Variants in MYH4 observed in about 807,000 individuals in gnomAD.
MYH4 encodes myosin heavy chain 4.
Under a neutral mutation model 229.9 loss-of-function variants are expected in MYH4, and 200 were observed. That is an observed-to-expected ratio of 0.87 (90% CI 0.78 to 0.98). The LOEUF (loss-of-function observed/expected upper bound fraction) is 0.98, where lower values mean the gene tolerates loss of function less well. Ranked by LOEUF, MYH4 falls within the 50% of genes least tolerant of loss-of-function variation. MYH4 has a pLI of 0.00. For synonymous variants in MYH4, 761 were observed against 834.6 expected, an observed-to-expected ratio of 0.91 and a Z score of 1.52; for missense variants, 2,148 against 2,332.6, an observed-to-expected ratio of 0.92 and a Z score of 1.63.
At chr17:10,447,325 G>A (rs1197926182) in intron 34 of MYH4, 109 bp from the exon 35 acceptor site, 1 of 889,816 alleles carries the variant, frequency 1.1e-6, no homozygotes, top group Non-Finnish European at 1.7e-6. Context: ...GATTAGATAG[G>A]AGCAATCGGC....
intron 15 of MYH4, among the ~76,000 whole-genome samples, chr17:10,458,802 G>T (rs1469607981): frequency 1.3e-5 from 2 of 152,156 alleles, no homozygotes; most frequent in Non-Finnish European, 2.9e-5. Flanking sequence ...AACGGGGAAA[G>T]ACTTAATGAC....
At position 10,452,284 on chromosome 17, in the gene MYH4, G is replaced by C. The variant is rs371105683; in HGVS notation, c.3395C>G (p.Ser1132Cys). ...GCGCTGCTTCTCTGCTTTGGCCCGGGAGGCCCGCTCTGCCTCGATTTCCTC... is the reference window on the plus strand; with the variant it reads ...GCGCTGCTTCTCTGCTTTGGCCCGGCAGGCCCGCTCTGCCTCGATTTCCTC... ...LEEEIEAERA[S>C]RAKAEKQRSD... Residue 1132 changes from serine to cysteine, a missense_variant, in exon 27 of 40, where the codon TCC becomes TGC. Transcript: ENST00000255381. The C allele has an allele frequency of 6.2e-7, 1 of 1,614,066 alleles. No homozygotes were observed.
At chr17:10,454,492 A>T in intron 22 of MYH4, 63 bp downstream of exon 22, 1 of 1,561,746 alleles carries the variant, frequency 6.4e-7, no homozygotes, top group Non-Finnish European at 8.7e-7. Context: ...TTCAGTGGAA[A>T]CCATTCATTT....
In MYH4 at chr17:10,468,438, T is replaced by C. The variant is rs937827391; in HGVS notation, c.-40+850A>G. Among the ~76,000 whole-genome samples, 6 of 152,362 alleles carry C rather than the reference T, an allele frequency of 3.9e-5. No individual in the cohort carries two copies. In the South Asian group the frequency reaches 1.2e-3, roughly 32 times the overall value. On this transcript the variant is annotated intron_variant, in intron 2 of 39. Coordinates refer to ENST00000255381, the MANE Select transcript of MYH4 (RefSeq NM_017533.2). ...AGTTTAAGGAAGGAACATTTCCACA[T>C]GAACAGTGTTTTCTGTTCTTTTCTA...
chr17:10,465,419 T>C (rs772632466), intron 5 of MYH4, 23 bp downstream of exon 5: 4 of 1,612,170 alleles, frequency 2.5e-6, no homozygotes, highest in South Asian at 2.2e-5. Context: ...CAAATGGCTA[T>C]GGAAATTGTA....
At chr17:10,465,146 C>G (rs963502047) in intron 5 of MYH4, among the ~76,000 whole-genome samples, 4 of 152,054 alleles carry the variant, frequency 2.6e-5, no homozygotes, top group African/African-American at 9.7e-5. Context: ...GAGTTGATGC[C>G]TAAATTTAAT....
At position 10,445,379 on chromosome 17, in the gene MYH4, AAAGAG is replaced by A. The variant is rs2072500236; in HGVS notation, c.5170-22_5170-18del. ...GCTGGTGTTCTGTTTCAAATTAATGAAAGAGAAGAGAAGCACATTTACTTATAACA... is the reference window on the plus strand; with the variant it reads ...GCTGGTGTTCTGTTTCAAATTAATGAAAGAGAAGCACATTTACTTATAACA... On this transcript the variant is annotated intron_variant, in intron 35 of 39. Coordinates refer to ENST00000255381, the MANE Select transcript of MYH4 (RefSeq NM_017533.2). 1 of 1,565,464 alleles carries A rather than the reference AAAGAG, an allele frequency of 6.4e-7. No individual in the cohort carries two copies. Among genetic ancestry groups the A allele is most frequent in the Non-Finnish European group, 8.7e-7 (1 of 1,152,674 alleles).
chr17:10,450,690 G>A (rs769816923), intron 29 of MYH4, 41 bp from the exon 30 acceptor site: 2 of 1,611,514 alleles, frequency 1.2e-6, no homozygotes, highest in East Asian at 4.5e-5. Context: ...TTTATCTTCT[G>A]ATCATTGAAA....
chr17:10,464,694 A>T lies in MYH4; in HGVS notation c.520T>A (p.Ser174Thr), dbSNP rs1296381472. 6.2e-7 allele frequency: 1 copy of T among 1,613,782 alleles called. No homozygotes were observed. Among genetic ancestry groups the T allele is most frequent in the Non-Finnish European group, 8.5e-7 (1 of 1,179,722 alleles). Residue 174 changes from serine to threonine, a missense_variant, in exon 6 of 40, where the codon TCA becomes ACA. By Grantham distance (58) the Ser-to-Thr change is moderately conservative. Transcript: ENST00000255381. ...AAATCTACATACGTAATCAAGATTG[A>T]CTGGTTTTCACGATCTGTAAAAGAG... ...QFMLTDRENQ[S>T]ILITGESGAG...
In MYH4 at chr17:10,465,518, G is replaced by T; in HGVS notation, c.429C>A (p.Tyr143Ter). Residue 143 changes from tyrosine to a stop codon, truncating the protein, a stop_gained, in exon 5 of 40, where the codon TAC (tyrosine) becomes TAA (stop). Coordinates refer to ENST00000255381, the MANE Select transcript of MYH4 (RefSeq NM_017533.2). LOFTEE classifies it high-confidence loss of function. ...GGGCCTCCTGGCGCTTTTTGCCTCG[G>T]TAGGCTGTCACCACCTCAGGGTTGT... ...PVYNPEVVTA[Y>*]RGKKRQEAPP... 1.9e-6 allele frequency: 3 copies of T among 1,614,136 alleles called. No individual in the cohort carries two copies. The highest frequency in any genetic ancestry group is 2.5e-6 in the Non-Finnish European group (3 of 1,180,028).
rs753112873 is a variant in MYH4, at chr17:10,457,586, C to G, written c.1731G>C (p.Glu577Asp). Reference sequence around the variant, plus strand: ...CATAGTGCACCAGTGAGAAGTGAGCCTCAGGCTTGCCTTTGGCAGGCTTGG... The same window carrying G: ...CATAGTGCACCAGTGAGAAGTGAGCGTCAGGCTTGCCTTTGGCAGGCTTGG... ...QKPKPAKGKP[E>D]AHFSLVHYAG... The change falls in exon 16 of 40, where the codon GAG (glutamate) becomes GAC (aspartate). Residue 577 changes from glutamate to aspartate, a missense_variant. Physicochemically the swap from Glu to Asp is conservative, Grantham distance 45. Coordinates refer to ENST00000255381, the MANE Select transcript of MYH4 (RefSeq NM_017533.2). 4 of 1,614,180 alleles carry G rather than the reference C, an allele frequency of 2.5e-6. No homozygotes were observed. The highest frequency in any genetic ancestry group is 3.4e-6 in the Non-Finnish European group (4 of 1,180,038).
At chr17:10,458,551 T>C (rs148308045) in intron 15 of MYH4, among the ~76,000 whole-genome samples, 150 of 152,300 alleles carry the variant, frequency 9.8e-4, no homozygotes, top group Non-Finnish European at 1.7e-3. Flanking sequence ...TAGGTGGCAA[T>C]TGCATTTACG....
intron 23 of MYH4, 130 bp downstream of exon 23, chr17:10,453,513 A>G (rs2072601675): frequency 6.4e-7 from 1 of 1,559,810 alleles, no homozygotes; most frequent in African/African-American, 1.4e-5. Context: ...GAGGTGGTGA[A>G]GACTAAAGAG....
chr17:10,445,567 G>A (rs1036421649), intron 35 of MYH4, among the ~76,000 whole-genome samples: 1 of 152,018 alleles, frequency 6.6e-6, no homozygotes, highest in Admixed American at 6.5e-5. Context: ...AATTTTTGAT[G>A]TCAAACATAT....
At position 10,457,619 on chromosome 17, in the gene MYH4, G is replaced by A. The variant is rs746159729; in HGVS notation, c.1698C>T (p.Phe566=). 23 of 1,614,104 alleles carry A rather than the reference G, an allele frequency of 1.4e-5. No individual in the cohort carries two copies. The South Asian group carries it at 1.9e-4, about 13-fold the overall frequency. ...TGCCTTTGGCAGGCTTGGGCTTCTG[G>A]AAGTTGTTGGATTTTCCAAGATGTT... ...YEQHLGKSNN[F]QKPKPAKGKP... is the part of the protein sequence containing the mutation. Residue 566 remains phenylalanine, a synonymous_variant, in exon 16 of 40, where the codon TTC becomes TTT. Coordinates refer to ENST00000255381, the MANE Select transcript of MYH4 (RefSeq NM_017533.2).
At chr17:10,444,546 GC>G (rs1351044459) in intron 39 of MYH4, 57 bp downstream of exon 39, 3 of 1,325,304 alleles carry the variant, frequency 2.3e-6, no homozygotes, top group Non-Finnish European at 3.2e-6. Flanking sequence ...TAAACTTTAG[GC>G]CCCAAAAAAC....
At chr17:10,446,719 A>G (rs996476446) in intron 35 of MYH4, among the ~76,000 whole-genome samples, 4 of 152,134 alleles carry the variant, frequency 2.6e-5, no homozygotes, top group African/African-American at 7.2e-5. Context: ...TTAGAGTTGC[A>G]TAAGACAAGA....
chr17:10,452,522 C>T lies in MYH4; in HGVS notation c.3258-16G>A. ...AAACTCTTTCCTATTAGAAGAGCAA[C>T]ACATTAGCTTATAATCACTTCTCTT... On this transcript the variant is annotated splice_polypyrimidine_tract_variant and intron_variant, in intron 25 of 39. Coordinates refer to ENST00000255381, the MANE Select transcript of MYH4 (RefSeq NM_017533.2). 2.5e-6 allele frequency: 4 copies of T among 1,607,804 alleles called. No homozygotes were observed. The highest frequency in any genetic ancestry group is 3.4e-6 in the Non-Finnish European group (4 of 1,174,988).
At chr17:10,459,159 T>C (rs1003642184) in intron 15 of MYH4, 92 bp downstream of exon 15, 16 of 1,598,372 alleles carry the variant, frequency 1.0e-5, no homozygotes, top group Non-Finnish European at 1.4e-5. Flanking sequence ...GAAACAGCAC[T>C]GCTTGTTCTT....
Sources: allele counts gnomAD v4.1 joint callset (sites outside exome capture counted in the v4.1 genomes callset), GRCh38; gene constraint gnomAD v4.1.1; transcripts MANE v1.5; gene names NCBI Gene and HGNC (gene_info 2026-07-23, HGNC 2026-07-21).